SCHIP1: variants seen among roughly 807,000 people sequenced by gnomAD.
SCHIP1 encodes the protein schwannomin-interacting protein 1.
In SCHIP1, 8 loss-of-function variants were observed where a neutral mutation model predicts 29.7. The ratio of observed to expected loss-of-function variants is 0.27; its 90% CI spans 0.16 to 0.49. The LOEUF (loss-of-function observed/expected upper bound fraction) is 0.49, where lower values mean the gene tolerates loss of function less well. SCHIP1 is among the 20% of genes least tolerant of loss of function. SCHIP1 has a pLI of 0.99. For synonymous variants in SCHIP1, 76 were observed against 94.9 expected (o/e 0.80, Z 1.16); for missense variants, 193 against 294.6 (o/e 0.66, Z 2.52).
the SCHIP1 span, among the ~76,000 whole-genome samples, chr3:159,772,444 A>G: frequency 6.6e-6 from 1 of 152,174 alleles, no homozygotes; most frequent in South Asian, 2.1e-4. Context: ...CGCCCGGCCC[A>G]TAACTACTTT....
chr3:159,576,116 G>A, the SCHIP1 span, among the ~76,000 whole-genome samples: 1 of 152,052 alleles, frequency 6.6e-6, no homozygotes, highest in Non-Finnish European at 1.5e-5. Flanking sequence ...GATTTTGAAT[G>A]TTTATAACAT....
At chr3:159,647,700 A>G in the SCHIP1 span, among the ~76,000 whole-genome samples, 8 of 152,170 alleles carry the variant, frequency 5.3e-5, no homozygotes, top group Admixed American at 5.2e-4. Context: ...GGTCCAAGAT[A>G]AAACAATTGT....
At chr3:159,495,462 CACAG>C in the SCHIP1 span, among the ~76,000 whole-genome samples, 3 of 151,936 alleles carry the variant, frequency 2.0e-5, no homozygotes, top group African/African-American at 7.2e-5. Flanking sequence ...ATACACCAAT[CACAG>C]ACAAACAGAG....
At chr3:159,323,928 G>T in the SCHIP1 span, among the ~76,000 whole-genome samples, 1 of 152,184 alleles carries the variant, frequency 6.6e-6, no homozygotes, top group Non-Finnish European at 1.5e-5. Context: ...ATCCTAAGTT[G>T]AAAGCAGGGA....
At chr3:159,574,672 G>A in the SCHIP1 span, among the ~76,000 whole-genome samples, 1 of 152,248 alleles carries the variant, frequency 6.6e-6, no homozygotes, top group Non-Finnish European at 1.5e-5. Flanking sequence ...GTTTAAGTCT[G>A]CAGACATTGA....
the SCHIP1 span, among the ~76,000 whole-genome samples, chr3:159,713,494 G>A: frequency 6.4e-4 from 97 of 152,272 alleles, no homozygotes; most frequent in Admixed American, 3.9e-3. Context: ...TACAAAGGTA[G>A]TAAATTATTG....
chr3:159,672,467 T>C, the SCHIP1 span, among the ~76,000 whole-genome samples: 2 of 152,222 alleles, frequency 1.3e-5, no homozygotes, highest in Non-Finnish European at 2.9e-5. Context: ...AGAAAAAAGA[T>C]TGGAACTTAA....
the SCHIP1 span, among the ~76,000 whole-genome samples, chr3:159,299,978 GGAGGTA>G: frequency 6.6e-6 from 1 of 152,060 alleles, no homozygotes; most frequent in African/African-American, 2.4e-5. Flanking sequence ...AAGACCTTGG[GGAGGTA>G]GAGGTTAGAA....
At chr3:159,683,178 G>A in the SCHIP1 span, among the ~76,000 whole-genome samples, 1 of 152,106 alleles carries the variant, frequency 6.6e-6, no homozygotes, top group African/African-American at 2.4e-5. Flanking sequence ...GCACCCCTGA[G>A]TAGCTGGGAT....
chr3:159,608,478 C>T, the SCHIP1 span, among the ~76,000 whole-genome samples: 1 of 152,174 alleles, frequency 6.6e-6, no homozygotes, highest in African/African-American at 2.4e-5. Context: ...TCCGTCTGTT[C>T]CCTTTTACTC....
chr3:159,461,093 T>C, the SCHIP1 span, among the ~76,000 whole-genome samples: 1 of 152,132 alleles, frequency 6.6e-6, no homozygotes, highest in African/African-American at 2.4e-5. Flanking sequence ...CACTGATCTC[T>C]GGGGTCAAGG....
the SCHIP1 span, among the ~76,000 whole-genome samples, chr3:159,340,891 C>A: frequency 6.6e-6 from 1 of 152,142 alleles, no homozygotes; most frequent in Non-Finnish European, 1.5e-5. Flanking sequence ...GGAACCTAGG[C>A]AATTTGAACC....
chr3:159,828,374 T>TATACAC, the SCHIP1 span, among the ~76,000 whole-genome samples: 1 of 94,734 alleles, frequency 1.1e-5, no homozygotes, highest in African/African-American at 4.5e-5. Flanking sequence ...TATATATATA[T>TATACAC]ACATATATAT....
At chr3:159,602,687 C>CTA in the SCHIP1 span, among the ~76,000 whole-genome samples, 1 of 148,682 alleles carries the variant, frequency 6.7e-6, no homozygotes, top group Admixed American at 6.7e-5. Flanking sequence ...CTAGCCTGGG[C>CTA]GACAGAGCTA....
chr3:159,790,156 G>A, the SCHIP1 span, among the ~76,000 whole-genome samples: 1 of 152,236 alleles, frequency 6.6e-6, no homozygotes, highest in Non-Finnish European at 1.5e-5. Context: ...GGCTGAAAGA[G>A]TGCTCCTCTC....
chr3:159,850,581 C>T (rs1255651181), intron 1 of SCHIP1, among the ~76,000 whole-genome samples: 1 of 147,090 alleles, frequency 6.8e-6, no homozygotes, highest in Non-Finnish European at 1.5e-5. Flanking sequence ...ATACGTGAGA[C>T]TGGGTAATTT....
the SCHIP1 span, among the ~76,000 whole-genome samples, chr3:159,729,339 G>T: frequency 9.8e-4 from 149 of 152,184 alleles, 4 homozygotes; most frequent in South Asian, 9.7e-3. Context: ...TTTAACATAT[G>T]TAACTAATAT....
chr3:159,507,151 A>T, the SCHIP1 span, among the ~76,000 whole-genome samples: 1 of 152,076 alleles, frequency 6.6e-6, no homozygotes, highest in African/African-American at 2.4e-5. Flanking sequence ...GTTGAGCAGT[A>T]GTTTGTAGTT....
At chr3:159,609,734 C>T in the SCHIP1 span, among the ~76,000 whole-genome samples, 1 of 152,084 alleles carries the variant, frequency 6.6e-6, no homozygotes, top group Non-Finnish European at 1.5e-5. Flanking sequence ...CCCTGGACGA[C>T]TCGCCTCTGA....
Sources: allele counts gnomAD v4.1 joint callset (sites outside exome capture counted in the v4.1 genomes callset), GRCh38; gene constraint gnomAD v4.1.1; transcripts MANE v1.5; gene names NCBI Gene and HGNC (gene_info 2026-07-23, HGNC 2026-07-21).